The following EPB41L1 variants were observed in gnomAD, a reference collection of about 807,000 sequenced individuals.
EPB41L1 encodes erythrocyte membrane protein band 4.1 like 1.
Under a neutral mutation model 97.8 loss-of-function variants are expected in EPB41L1, and 29 were observed. The observed-to-expected ratio is 0.30, with a 90% CI of 0.22 to 0.40. EPB41L1 has a LOEUF of 0.40. Among genes scored for constraint, EPB41L1 ranks in the 10% least tolerant of loss-of-function variants. The pLI is 1.00. For missense variants in EPB41L1, 812 were observed against 1,162.3 expected, an observed-to-expected ratio of 0.70 and a Z score of 4.38; for synonymous variants, 383 against 459.2, an observed-to-expected ratio of 0.83 and a Z score of 2.12.
Position 36,175,694 on chromosome 20 carries a change from G to A in EPB41L1, c.321G>A (p.Ser107=), listed in dbSNP as rs769300932. The A allele has an allele frequency of 4.3e-6, 7 of 1,613,844 alleles. No individual in the cohort carries two copies. Among genetic ancestry groups the A allele is most frequent in the Middle Eastern group, 1.6e-4 (1 of 6,084 alleles). The change falls in exon 3 of 22, where the codon TCG becomes TCA. Residue 107 remains serine, a synonymous_variant. Coordinates refer to ENST00000338074, the MANE Select transcript of EPB41L1 (RefSeq NM_012156.2). The stretch of plus-strand genomic sequence containing the variant: ...GCCGGGTCACTCTGCTTGATGCCTC[G>A]GAGTATGAGTGTGAGGTGGAGGTAG... ...AICRVTLLDA[S]EYECEVEKHG...
At chr20:36,224,349 TA>T (rs2063978731) in intron 21 of EPB41L1, among the ~76,000 whole-genome samples, 1 of 152,232 alleles carries the variant, frequency 6.6e-6, no homozygotes, top group Non-Finnish European at 1.5e-5. Context: ...AATGTACTAT[TA>T]AAATTAACTT....
In EPB41L1 at chr20:36,206,051, G is replaced by C; in HGVS notation, c.1669-3437G>C. On this transcript the variant is annotated intron_variant, in intron 14 of 21. Transcript: ENST00000338074. The surrounding 1 kb of genome is among the most constrained non-coding windows in gnomAD (Gnocchi z 5.5). ...ACAGAAGAAATGGTGGGAAACAGAA[G>C]AGCAAACACCCAGCAACAAGGAAAA... 1 of 1,289,884 alleles carries C rather than the reference G, an allele frequency of 7.8e-7. No individual in the cohort carries two copies. Among genetic ancestry groups the C allele is most frequent in the East Asian group, 5.5e-5 (1 of 18,020 alleles). The allele number at this position is 1,289,884 out of a possible 1,614,324, so 79.9% of individuals were successfully genotyped here. A position where few individuals can be genotyped will look rare whatever the true frequency, so the allele number is the denominator to read the frequency against.
At chr20:36,193,877 G>A (rs868314239) in intron 11 of EPB41L1, among the ~76,000 whole-genome samples, 5 of 152,092 alleles carry the variant, frequency 3.3e-5, no homozygotes, top group African/African-American at 1.2e-4. Context: ...CCTCACCTCC[G>A]CTTTCTAAAG....
rs113121308 is a variant in EPB41L1, at chr20:36,190,431, G to A, written c.1124+57G>A. On this transcript the variant is annotated intron_variant, in intron 10 of 21. Coordinates refer to ENST00000338074, the MANE Select transcript of EPB41L1 (RefSeq NM_012156.2). This position sits in a 1 kb window ranked among gnomAD's most constrained non-coding sequence, Gnocchi z 5.8. ...TGGGGCAGAGGCCATGTGTATGGAGGGGAGCAGGGGGAGGAGTTAGTGAGA... is the reference window on the plus strand; with the variant it reads ...TGGGGCAGAGGCCATGTGTATGGAGAGGAGCAGGGGGAGGAGTTAGTGAGA... 3,260 of 1,577,614 alleles carry A rather than the reference G, an allele frequency of 2.1e-3. 66 individuals are homozygous for A. The African/African-American group carries it at 0.038, about 18-fold the overall frequency.
In EPB41L1 at chr20:36,155,504, C is replaced by T. The variant is rs553709512; in HGVS notation, c.-15+608C>T. 3.1e-4 allele frequency: 133 copies of T among 435,854 alleles called. 5 individuals carry two copies. The highest frequency in any genetic ancestry group is 2.2e-3 in the South Asian group (132 of 61,144). The allele number at this position is 435,854 out of a possible 1,614,324, so 27.0% of individuals were successfully genotyped here. On this transcript the variant is annotated intron_variant, in intron 1 of 21. Transcript: ENST00000338074. The stretch of plus-strand genomic sequence containing the variant: ...TTGTGTGTCCCACTTGTGTCTGGCA[C>T]CTTCACACTTGGGGAGGTCCAAGGG...
At chr20:36,146,240 T>C (rs6060820) in intron 2 of EPB41L1, among the ~76,000 whole-genome samples, 16,590 of 152,216 alleles carry the variant, frequency 0.11, 1,525 homozygotes, top group African/African-American at 0.25. Flanking sequence ...CTTCCTACTG[T>C]AGGTCCCTCC....
rs541478679 is a variant in EPB41L1, at chr20:36,232,199, G to A, written c.*2859G>A. 1 of 159,860 alleles carries A rather than the reference G, an allele frequency of 6.3e-6. No individual in the cohort carries two copies. The highest frequency in any genetic ancestry group is 2.4e-5 in the African/African-American group (1 of 41,878). The allele number at this position is 159,860 out of a possible 1,614,324, so 9.9% of individuals were successfully genotyped here. ...CTCTTTGTAGAGAATAGAGACGTTT[G>A]TCTTGTCTGTCTTCAACCTACTTTT... On this transcript the variant is annotated 3_prime_UTR_variant, in exon 22 of 22. Coordinates refer to ENST00000338074, the MANE Select transcript of EPB41L1 (RefSeq NM_012156.2).
intron 2 of EPB41L1, among the ~76,000 whole-genome samples, chr20:36,113,286 TCA>T (rs1436448122): frequency 6.6e-6 from 1 of 152,202 alleles, no homozygotes; most frequent in Non-Finnish European, 1.5e-5. Context: ...CATGCAAATG[TCA>T]CTGTGATGTT....
chr20:36,193,992 C>G (rs2062072810), intron 11 of EPB41L1, among the ~76,000 whole-genome samples: 1 of 152,198 alleles, frequency 6.6e-6, no homozygotes, highest in South Asian at 2.1e-4. Context: ...AACCCAGGCT[C>G]TAGTGCTGTA....
intron 2 of EPB41L1, among the ~76,000 whole-genome samples, chr20:36,146,028 C>G (rs1180017833): frequency 1.3e-5 from 2 of 152,220 alleles, no homozygotes; most frequent in African/African-American, 4.8e-5. Flanking sequence ...ATGCCCAACC[C>G]ACATATGACC....
At chr20:36,155,067 C>A in intron 1 of EPB41L1, 171 bp downstream of exon 1, 1 of 617,730 alleles carries the variant, frequency 1.6e-6, no homozygotes, top group Admixed American at 2.4e-5. Flanking sequence ...ACCTACCGGT[C>A]TGCAGCCTCC....
intron 6 of EPB41L1, 39 bp downstream of exon 6, chr20:36,182,386 G>A (rs2061506985): frequency 6.2e-7 from 1 of 1,607,596 alleles, no homozygotes; most frequent in Non-Finnish European, 8.5e-7. Flanking sequence ...TGCTGGCTGT[G>A]TGGGACTATG....
chr20:36,203,744 C>A (rs1021004092), intron 14 of EPB41L1, among the ~76,000 whole-genome samples: 2 of 152,202 alleles, frequency 1.3e-5, no homozygotes, highest in South Asian at 2.1e-4. Flanking sequence ...CAGAAACCCA[C>A]CCCAGACTTT....
chr20:36,206,707 G>A lies in EPB41L1; in HGVS notation c.1669-2781G>A. On this transcript the variant is annotated intron_variant, in intron 14 of 21. Coordinates refer to ENST00000338074, the MANE Select transcript of EPB41L1 (RefSeq NM_012156.2). This position sits in a 1 kb window ranked among gnomAD's most constrained non-coding sequence, Gnocchi z 5.5. ...CCATGGAGGACCTGGTGACCTGAAG[G>A]GATCTCCCGCAGGACAGACGTTTGC... 2.3e-6 allele frequency: 3 copies of A among 1,289,876 alleles called. No homozygotes were observed. The highest frequency in any genetic ancestry group is 3.0e-6 in the Non-Finnish European group (3 of 988,890). 79.9% of individuals were successfully genotyped at this position (1,289,876 alleles called of 1,614,324 possible).
At chr20:36,184,330 CT>C (rs1018003163) in intron 6 of EPB41L1, among the ~76,000 whole-genome samples, 9 of 151,862 alleles carry the variant, frequency 5.9e-5, no homozygotes, top group Non-Finnish European at 1.0e-4. Flanking sequence ...AAAAATGAAA[CT>C]TTTTTTTAAT....
chr20:36,116,886 CT>C (rs1308533564), intron 2 of EPB41L1, among the ~76,000 whole-genome samples: 1 of 152,172 alleles, frequency 6.6e-6, no homozygotes, highest in Non-Finnish European at 1.5e-5. Flanking sequence ...GTGCTAGGTG[CT>C]CTCTCAGTTT....
rs374238583 is a variant in EPB41L1 at position 36,185,362 on chromosome 20, T to C, written c.785+27T>C. The stretch of plus-strand genomic sequence containing the variant: ...TAAGAGGGTGCCAGCCAGGGCCTTC[T>C]GTGGCTCCTTGGCCAGTGGGAGCCT... On this transcript the variant is annotated intron_variant, in intron 7 of 21. Transcript: ENST00000338074. 3 of 1,599,106 alleles carry C rather than the reference T, an allele frequency of 1.9e-6. No individual in the cohort carries two copies. The African/African-American group carries it at 4.0e-5, about 21-fold the overall frequency.
At chr20:36,219,686 C>A (rs1227228939) in intron 18 of EPB41L1, 75 bp from the exon 19 acceptor site, 2 of 1,300,142 alleles carry the variant, frequency 1.5e-6, no homozygotes, top group East Asian at 2.3e-5. Context: ...GCCCTTTACC[C>A]CACCCCGCCC....
At chr20:36,131,496 T>C (rs2059208241) in intron 2 of EPB41L1, among the ~76,000 whole-genome samples, 1 of 152,186 alleles carries the variant, frequency 6.6e-6, no homozygotes, top group South Asian at 2.1e-4. Context: ...CATTCATTCA[T>C]CCTAAGGCGG....
Sources: allele counts gnomAD v4.1 joint callset (sites outside exome capture counted in the v4.1 genomes callset), GRCh38; gene constraint gnomAD v4.1.1; non-coding constraint Gnocchi (gnomAD v3.1); transcripts MANE v1.5; gene names NCBI Gene and HGNC (gene_info 2026-07-23, HGNC 2026-07-21).